The following STX7 variants were observed in gnomAD, a reference collection of about 807,000 sequenced individuals.
STX7 encodes syntaxin-7.
Under a neutral mutation model 39.6 loss-of-function variants are expected in STX7, and 34 were observed. The observed-to-expected ratio is 0.86, with a 90% CI of 0.65 to 1.14. The LOEUF is 1.14. STX7 is among the 50% of genes most tolerant of loss of function. The probability of loss-of-function intolerance (pLI) is 0.00; values close to 1 mark genes in which losing one functional copy is unlikely to be tolerated. For missense variants in STX7, 284 were observed against 310.4 expected, an observed-to-expected ratio of 0.92 and a Z score of 0.64; for synonymous variants, 119 against 99.1, an observed-to-expected ratio of 1.20 and a Z score of -1.19.
At chr6:132,470,248 A>G (rs1008469224) in intron 6 of STX7, among the ~76,000 whole-genome samples, 2 of 152,144 alleles carry the variant, frequency 1.3e-5, no homozygotes, top group African/African-American at 4.8e-5. Flanking sequence ...ATTTTAGCTA[A>G]TGTGAGTTTA....
intron 2 of STX7, among the ~76,000 whole-genome samples, chr6:132,487,109 T>A (rs1775155828): frequency 6.6e-6 from 1 of 152,218 alleles, no homozygotes; most frequent in South Asian, 2.1e-4. Flanking sequence ...GTGAAGATAT[T>A]TGAGTCTGGT....
intron 2 of STX7, among the ~76,000 whole-genome samples, chr6:132,498,974 C>T (rs991916216): frequency 3.3e-5 from 5 of 152,112 alleles, no homozygotes; most frequent in South Asian, 2.1e-4. Context: ...CCTTCTTTCC[C>T]GCCCATTCTC....
In STX7 at chr6:132,502,441, C is replaced by T. The variant is rs181936656; in HGVS notation, c.85+1005G>A. On this transcript the variant is annotated intron_variant, in intron 2 of 9. Coordinates refer to ENST00000367941, the MANE Select transcript of STX7 (RefSeq NM_003569.3). ...GAATCACCCAAGGTATCTGATTAAC[C>T]ATAATTTACAAACAAAAAAAAGTAA... Among the ~76,000 whole-genome samples, 6 of 151,720 alleles carry T rather than the reference C, an allele frequency of 4.0e-5. No homozygotes were observed. The East Asian group carries it at 5.8e-4, about 15-fold the overall frequency.
At chr6:132,505,425 T>C (rs1253822243) in intron 1 of STX7, among the ~76,000 whole-genome samples, 3 of 152,206 alleles carry the variant, frequency 2.0e-5, no homozygotes, top group Admixed American at 2.0e-4. Flanking sequence ...TGAATGTGCC[T>C]GGCCACGCTG....
intron 2 of STX7, among the ~76,000 whole-genome samples, chr6:132,487,165 G>A (rs1316452312): frequency 6.6e-6 from 1 of 152,158 alleles, no homozygotes; most frequent in Non-Finnish European, 1.5e-5. Flanking sequence ...TCTTGATATA[G>A]AGCTAGGCAG....
intron 2 of STX7, among the ~76,000 whole-genome samples, chr6:132,499,821 A>T (rs944899481): frequency 6.6e-6 from 1 of 152,188 alleles, no homozygotes; most frequent in Non-Finnish European, 1.5e-5. Flanking sequence ...TAGATGTTTG[A>T]TATCTCCACT....
Position 132,447,075 on chromosome 6 carries a change from G to T in STX7, c.*13683C>A, listed in dbSNP as rs1293526190. The T allele has an allele frequency of 1.3e-5, 2 of 152,128 alleles. No homozygotes were observed. The highest frequency in any genetic ancestry group is 2.9e-5 in the Non-Finnish European group (2 of 68,014). The allele number at this position is 152,128 out of a possible 1,614,324, so 9.4% of individuals were successfully genotyped here. A position where few individuals can be genotyped will look rare whatever the true frequency, so the allele number is the denominator to read the frequency against. On this transcript the variant is annotated 3_prime_UTR_variant, in exon 10 of 10. Coordinates refer to ENST00000367941, the MANE Select transcript of STX7 (RefSeq NM_003569.3). ...GAAAATTAGTAAATACAACCAGTGT[G>T]TTAGAAATAATTCCGTATCTCCTAA...
chr6:132,498,632 T>A (rs1775476669), intron 2 of STX7, among the ~76,000 whole-genome samples: 1 of 152,224 alleles, frequency 6.6e-6, no homozygotes, highest in Admixed American at 6.5e-5. Context: ...TGACACAATT[T>A]CAAAAGTTGC....
chr6:132,512,575 G>A (rs1775875834), intron 1 of STX7, among the ~76,000 whole-genome samples: 1 of 152,202 alleles, frequency 6.6e-6, no homozygotes, highest in Non-Finnish European at 1.5e-5. Flanking sequence ...CTATATTCGG[G>A]AAGTTTAGTG....
At chr6:132,507,578 C>A (rs1211073627) in intron 1 of STX7, among the ~76,000 whole-genome samples, 1 of 152,180 alleles carries the variant, frequency 6.6e-6, no homozygotes, top group Non-Finnish European at 1.5e-5. Context: ...TTCTTCGAGA[C>A]TAGCTTCTTT....
intron 9 of STX7, chr6:132,461,783 C>A: frequency 6.7e-7 from 1 of 1,482,950 alleles, no homozygotes; most frequent in Non-Finnish European, 9.0e-7. Context: ...GAATTTTGTT[C>A]CGTTCTTCAT....
intron 1 of STX7, among the ~76,000 whole-genome samples, chr6:132,510,883 C>CA (rs1383505810): frequency 2.6e-5 from 4 of 152,196 alleles, no homozygotes; most frequent in African/African-American, 9.7e-5. Flanking sequence ...CTTGAAGTGT[C>CA]AAACACTACT....
intron 1 of STX7, among the ~76,000 whole-genome samples, chr6:132,512,331 C>CT (rs984932447): frequency 1.3e-5 from 2 of 151,972 alleles, no homozygotes; most frequent in Non-Finnish European, 2.9e-5. Flanking sequence ...AGAAATGCAA[C>CT]TTTTTTTCTT....
Position 132,473,726 on chromosome 6 carries a change from T to C in STX7, c.156-1351A>G, listed in dbSNP as rs933559305. On this transcript the variant is annotated intron_variant, in intron 3 of 9. Coordinates refer to ENST00000367941, the MANE Select transcript of STX7 (RefSeq NM_003569.3). ...CAAATCACAACATCAGTACCTCTTA[T>C]ATATTTCATCTCATTTTAAATATGG... Among the ~76,000 whole-genome samples, 7 of 152,270 alleles carry C rather than the reference T, an allele frequency of 4.6e-5. No individual in the cohort carries two copies. The East Asian group carries it at 1.4e-3, about 29-fold the overall frequency.
rs1308357910 is a variant in STX7, at chr6:132,446,721, G to A, written c.*14037C>T. 6.6e-6 allele frequency: 1 copy of A among 152,118 alleles called. No homozygotes were observed. Among genetic ancestry groups the A allele is most frequent in the East Asian group, 1.9e-4 (1 of 5,186 alleles). 9.4% of individuals were successfully genotyped at this position (152,118 alleles called of 1,614,324 possible). ...ACATGAGCATCTGGCTGCACATACA[G>A]AGCAGCACATTCCACACACTGCCCT... On this transcript the variant is annotated 3_prime_UTR_variant, in exon 10 of 10. Transcript: ENST00000367941.
chr6:132,508,223 T>C (rs1775756093), intron 1 of STX7, among the ~76,000 whole-genome samples: 1 of 152,184 alleles, frequency 6.6e-6, no homozygotes, highest in South Asian at 2.1e-4. Flanking sequence ...CTACTCTCTC[T>C]CCCATAAAGA....
At chr6:132,467,842 A>G (rs1774599778) in intron 8 of STX7, among the ~76,000 whole-genome samples, 1 of 152,248 alleles carries the variant, frequency 6.6e-6, no homozygotes, top group South Asian at 2.1e-4. Context: ...CCTAATTGAA[A>G]TGCTATTACA....
In STX7 at chr6:132,452,004, C is replaced by T. The variant is rs988530094; in HGVS notation, c.*8754G>A. 6.6e-6 allele frequency: 1 copy of T among 151,962 alleles called. No individual in the cohort carries two copies. Among genetic ancestry groups the T allele is most frequent in the Non-Finnish European group, 1.5e-5 (1 of 67,964 alleles). 9.4% of individuals were successfully genotyped at this position (151,962 alleles called of 1,614,324 possible). A position where few individuals can be genotyped will look rare whatever the true frequency, so the allele number is the denominator to read the frequency against. On this transcript the variant is annotated 3_prime_UTR_variant, in exon 10 of 10. Transcript: ENST00000367941. The stretch of plus-strand genomic sequence containing the variant: ...GCAAAAATCCTTAACAAAATATTAG[C>T]CAAAAGAATTAAGCTATATATACAA...
Position 132,452,363 on chromosome 6 carries a change from G to C in STX7, c.*8395C>G, listed in dbSNP as rs879396708. 2.6e-5 allele frequency: 4 copies of C among 151,562 alleles called. No individual in the cohort carries two copies. Among genetic ancestry groups the C allele is most frequent in the Admixed American group, 2.6e-4 (4 of 15,182 alleles). The allele number at this position is 151,562 out of a possible 1,614,324, so 9.4% of individuals were successfully genotyped here. ...CTCTACTCTCACTGCTTTTATTTCT[G>C]CTGGAATTTCTACCCACTGCATTAA... On this transcript the variant is annotated 3_prime_UTR_variant, in exon 10 of 10. Coordinates refer to ENST00000367941, the MANE Select transcript of STX7 (RefSeq NM_003569.3).
Sources: allele counts gnomAD v4.1 joint callset (sites outside exome capture counted in the v4.1 genomes callset), GRCh38; gene constraint gnomAD v4.1.1; transcripts MANE v1.5; gene names NCBI Gene and HGNC (gene_info 2026-07-23, HGNC 2026-07-21).